Variants in XKR4 observed in about 807,000 individuals in gnomAD.
The protein encoded by XKR4 is XK-related protein 4.
Under a neutral mutation model 53.9 loss-of-function variants are expected in XKR4, and 12 were observed. The observed-to-expected ratio is 0.22, with a 90% confidence interval of 0.14 to 0.36. XKR4 has a LOEUF of 0.36. Among genes scored for constraint, XKR4 ranks in the 10% least tolerant of loss-of-function variants. XKR4 has a pLI of 1.00. For missense variants in XKR4, 799 were observed against 859.5 expected (o/e 0.93, Z 0.88); for synonymous variants, 354 against 362.4 (o/e 0.98, Z 0.26).
chr8:55,278,207 C>T (rs908085092), intron 1 of XKR4, among the ~76,000 whole-genome samples: 1 of 152,008 alleles, frequency 6.6e-6, no homozygotes, highest in Non-Finnish European at 1.5e-5. Context: ...CATGGTGATG[C>T]ACACCTGTAA....
intron 1 of XKR4, among the ~76,000 whole-genome samples, chr8:55,283,530 A>G (rs866436678): frequency 2.0e-5 from 3 of 152,220 alleles, no homozygotes; most frequent in African/African-American, 7.2e-5. Context: ...AAATGTCAGC[A>G]GTGACTTTGA....
In XKR4 at chr8:55,523,955, C is replaced by G. The variant is rs1806842810; in HGVS notation, c.1681C>G (p.Gln561Glu). Residue 561 changes from glutamine to glutamate, a missense_variant, in exon 3 of 3, where the codon CAG becomes GAG. This residue lies in a region of XKR4 where 269 missense variants were observed against 264.4 expected (regional missense o/e 1.02). Transcript: ENST00000327381. ...NNRSVVSDRD[Q>E]KFAERDGCVP... ...CCGCAGTGTTGTCAGCGACCGCGAT[C>G]AGAAATTCGCAGAGCGGGATGGGTG... 6.2e-7 allele frequency: 1 copy of G among 1,614,194 alleles called. No homozygotes were observed. Among genetic ancestry groups the G allele is most frequent in the African/African-American group, 1.3e-5 (1 of 75,052 alleles).
intron 1 of XKR4, among the ~76,000 whole-genome samples, chr8:55,256,734 G>A (rs1424404064): frequency 6.6e-6 from 1 of 152,170 alleles, no homozygotes; most frequent in African/African-American, 2.4e-5. Flanking sequence ...TTAAAATAGA[G>A]TCTCAGTCAG....
At position 55,326,458 on chromosome 8, in the gene XKR4, A is replaced by AT. The variant is rs1203916921; in HGVS notation, c.807-31212dup. ...TACTACACAATATTCCCCTCAACTG[A>AT]TTTTTTTTCCTTTTTTTTTTTTTTT... On this transcript the variant is annotated intron_variant, in intron 1 of 2. Coordinates refer to ENST00000327381, the MANE Select transcript of XKR4 (RefSeq NM_052898.2). 8.4e-4 allele frequency among the ~76,000 whole-genome samples: 98 copies of AT among 116,750 alleles called. 1 individual carries two copies. In the South Asian group the frequency reaches 0.013, roughly 16 times the overall value. The allele number at this position is 116,750 out of a possible 152,430, so 76.6% of individuals were successfully genotyped here.
intron 2 of XKR4, among the ~76,000 whole-genome samples, chr8:55,471,051 T>C (rs576337664): frequency 1.3e-5 from 2 of 152,182 alleles, no homozygotes; most frequent in African/African-American, 4.8e-5. Flanking sequence ...AGTTGCACCA[T>C]CCAGTACAGT....
At chr8:55,378,056 T>C (rs1443238115) in intron 2 of XKR4, among the ~76,000 whole-genome samples, 1 of 152,206 alleles carries the variant, frequency 6.6e-6, no homozygotes, top group Non-Finnish European at 1.5e-5. Context: ...AGGGCTTGAG[T>C]ACAAATGTTT....
intron 1 of XKR4, among the ~76,000 whole-genome samples, chr8:55,315,926 G>A (rs1437616408): frequency 6.6e-6 from 1 of 152,136 alleles, no homozygotes; most frequent in Non-Finnish European, 1.5e-5. Context: ...ATGATTTAGT[G>A]TGATTTGAGC....
intron 2 of XKR4, among the ~76,000 whole-genome samples, chr8:55,401,233 A>G (rs949474536): frequency 1.3e-5 from 2 of 152,158 alleles, no homozygotes; most frequent in Non-Finnish European, 2.9e-5. Context: ...CTGAGCTGGC[A>G]TTTGTTGTGG....
chr8:55,150,289 A>G (rs1816823855), intron 1 of XKR4, among the ~76,000 whole-genome samples: 1 of 152,204 alleles, frequency 6.6e-6, no homozygotes, highest in African/African-American at 2.4e-5. Flanking sequence ...GGTTCAGTTT[A>G]CATTAAAATC....
At chr8:55,369,409 A>AGGAAGGGAAGGGAAAGGAAG (rs1451840713) in intron 2 of XKR4, among the ~76,000 whole-genome samples, 15 of 31,886 alleles carry the variant, frequency 4.7e-4, no homozygotes, top group Non-Finnish European at 4.3e-4. Context: ...GGGGAGGGAA[A>AGGAAGGGAAGGGAAAGGAAG]GGAAGGGAAG....
intron 1 of XKR4, among the ~76,000 whole-genome samples, chr8:55,312,197 T>TA (rs1563321988): frequency 6.7e-6 from 1 of 149,392 alleles, no homozygotes. Flanking sequence ...TTTTTTTTTT[T>TA]AATGAGAAAA....
chr8:55,359,223 C>T (rs1221366887), intron 2 of XKR4, among the ~76,000 whole-genome samples: 2 of 152,138 alleles, frequency 1.3e-5, no homozygotes, highest in Non-Finnish European at 2.9e-5. Flanking sequence ...TTTTTCGTTG[C>T]GTCTGGTGGT....
At chr8:55,175,719 C>T (rs568453163) in intron 1 of XKR4, among the ~76,000 whole-genome samples, 1 of 152,252 alleles carries the variant, frequency 6.6e-6, no homozygotes, top group African/African-American at 2.4e-5. Flanking sequence ...CTTGATTATG[C>T]TCTATTTTAG....
intron 2 of XKR4, among the ~76,000 whole-genome samples, chr8:55,504,865 C>T (rs1047751376): frequency 6.6e-6 from 1 of 152,050 alleles, no homozygotes; most frequent in Non-Finnish European, 1.5e-5. Context: ...ATAGTATTCT[C>T]TTATAATTCT....
intron 1 of XKR4, among the ~76,000 whole-genome samples, chr8:55,272,675 C>T (rs1326466486): frequency 6.6e-6 from 1 of 152,168 alleles, no homozygotes; most frequent in Non-Finnish European, 1.5e-5. Context: ...AGTAACTAAC[C>T]CCAAAGTGTG....
chr8:55,373,494 A>G (rs1305754777), intron 2 of XKR4, among the ~76,000 whole-genome samples: 1 of 152,044 alleles, frequency 6.6e-6, no homozygotes, highest in Non-Finnish European at 1.5e-5. Flanking sequence ...TTAAACATCC[A>G]TAGTATTACC....
chr8:55,439,497 G>T (rs150603387), intron 2 of XKR4, among the ~76,000 whole-genome samples: 119 of 152,262 alleles, frequency 7.8e-4, no homozygotes, highest in African/African-American at 2.8e-3. Context: ...ATAAAGAAAT[G>T]AAAGCATGGT....
At chr8:55,350,911 T>G (rs149786691) in intron 1 of XKR4, among the ~76,000 whole-genome samples, 2,420 of 151,964 alleles carry the variant, frequency 0.016, 64 homozygotes, top group African/African-American at 0.053. Flanking sequence ...GGCTAATTTT[T>G]TATGTTTTTG....
At chr8:55,368,802 A>G (rs1804029504) in intron 2 of XKR4, among the ~76,000 whole-genome samples, 1 of 152,210 alleles carries the variant, frequency 6.6e-6, no homozygotes. Flanking sequence ...TTCAGAAGCT[A>G]CTTCAGTTTG....
Sources: allele counts gnomAD v4.1 joint callset (sites outside exome capture counted in the v4.1 genomes callset), GRCh38; gene constraint gnomAD v4.1.1; regional missense constraint gnomAD v4.1.1; transcripts MANE v1.5; gene names NCBI Gene and HGNC (gene_info 2026-07-23, HGNC 2026-07-21).